The following CRB2 variants were observed in gnomAD, a reference collection of about 807,000 sequenced individuals.
CRB2 encodes crumbs cell polarity complex component 2.
In CRB2, 85 loss-of-function variants were observed where a neutral mutation model predicts 110.9. The ratio of observed to expected loss-of-function variants is 0.77; its 90% confidence interval spans 0.64 to 0.92. The LOEUF (loss-of-function observed/expected upper bound fraction) is 0.92, where lower values mean the gene tolerates loss of function less well. Among genes scored for constraint, CRB2 ranks in the 40% least tolerant of loss-of-function variants. The pLI is 0.00. For missense variants in CRB2, 1,843 were observed against 1,851.3 expected (o/e 1.00, Z 0.08); for synonymous variants, 907 against 831.0 (o/e 1.09, Z -1.57).
At chr9:123,374,732 A>G (rs749122876) in intron 11 of CRB2, 37 bp downstream of exon 11, 3 of 1,461,480 alleles carry the variant, frequency 2.1e-6, no homozygotes, top group African/African-American at 1.4e-5. Context: ...AGGAGGTCCA[A>G]TGAATGTGGA....
In CRB2 at chr9:123,373,785, G is replaced by A; in HGVS notation, c.3254G>A (p.Gly1085Glu). The change falls in exon 10 of 13, where the codon GGG becomes GAG. Residue 1085 changes from glycine (G) to glutamate (E), a missense_variant. Coordinates refer to ENST00000373631, the MANE Select transcript of CRB2 (RefSeq NM_173689.7). ...FDAFACACGP[G>E]WEGPRCEAHV... is the part of the protein sequence containing the mutation. ...GCCTTTGCCTGCGCCTGCGGCCCGG[G>A]GTGGGAAGGCCCGCGCTGCGAAGCC... 1 of 1,591,080 alleles carries A rather than the reference G, an allele frequency of 6.3e-7. No homozygotes were observed. The highest frequency in any genetic ancestry group is 1.7e-5 in the Admixed American group (1 of 59,482).
rs1248795183 is a variant in CRB2 at position 123,371,455 on chromosome 9, A to C, written c.2313A>C (p.Arg771=). ...TCCGAGGCTGCCTCCAGGACCTGCG[A>C]CTCGATGGCTGCCACCTCCCCTTCT... ...GPFRGCLQDL[R]LDGCHLPFFP... The change falls in exon 8 of 13, where the codon CGA becomes CGC. Residue 771 remains arginine (R), a synonymous_variant. Coordinates refer to ENST00000373631, the MANE Select transcript of CRB2 (RefSeq NM_173689.7). The C allele has an allele frequency of 6.2e-7, 1 of 1,612,846 alleles. No individual in the cohort carries two copies. Among genetic ancestry groups the C allele is most frequent in the South Asian group, 1.1e-5 (1 of 91,060 alleles).
Position 123,373,664 on chromosome 9 carries a change from C to T in CRB2, c.3133C>T (p.Pro1045Ser). The T allele has an allele frequency of 1.4e-6, 2 of 1,438,912 alleles. No individual in the cohort carries two copies. Among genetic ancestry groups the T allele is most frequent in the African/African-American group, 1.5e-5 (1 of 67,196 alleles). The allele number at this position is 1,438,912 out of a possible 1,614,324, so 89.1% of individuals were successfully genotyped here. ...PGAREHFASW[P>S]GTPAPILGCR... ...CGCCCGAGAGCACTTCGCGTCTTGG[C>T]CTGGGACGCCGGCCCCGATCCTCGG... The change falls in exon 10 of 13, where the codon CCT (proline) becomes TCT (serine). Residue 1045 changes from proline to serine, a missense_variant. By Grantham distance (74) the Pro-to-Ser change is moderately conservative (BLOSUM62 -1). Transcript: ENST00000373631.
intron 9 of CRB2, among the ~76,000 whole-genome samples, chr9:123,372,575 T>C (rs747796444): frequency 6.6e-6 from 1 of 151,884 alleles, no homozygotes; most frequent in Non-Finnish European, 1.5e-5. Flanking sequence ...TTTTATGGAG[T>C]GGCATAGCAT....
chr9:123,373,087 T>C, intron 9 of CRB2, 47 bp from the exon 10 acceptor site: 1 of 1,413,762 alleles, frequency 7.1e-7, no homozygotes, highest in Non-Finnish European at 9.3e-7. Context: ...GTGGCATTTC[T>C]GGAGAAGGCT....
chr9:123,358,290 G>A (rs549278024), intron 1 of CRB2, among the ~76,000 whole-genome samples: 3 of 152,162 alleles, frequency 2.0e-5, no homozygotes, highest in Admixed American at 2.0e-4. Flanking sequence ...ACAAAGGCCC[G>A]GCTGGTTGCC....
chr9:123,369,580 A>G (rs570230204), intron 6 of CRB2, among the ~76,000 whole-genome samples: 3 of 152,104 alleles, frequency 2.0e-5, no homozygotes, highest in Admixed American at 6.5e-5. Flanking sequence ...CAGAGTCACG[A>G]CTTTCCAGGA....
rs747093660 is a variant in CRB2 at position 123,367,214 on chromosome 9, C to T, written c.797C>T (p.Ala266Val). The T allele has an allele frequency of 2.3e-5, 37 of 1,601,106 alleles. No individual in the cohort carries two copies. The South Asian group carries it at 4.1e-4, about 18-fold the overall frequency. ...TGCGAGGTGGACGAGGACGAGTGTG[C>T]ATCGAGCCCCTGCCAGCATGGGGGC... is the stretch of plus-strand genomic sequence containing the variant. ...ELCEVDEDEC[A>V]SSPCQHGGRC... Residue 266 changes from alanine to valine, a missense_variant, in exon 5 of 13, where the codon GCA (alanine) becomes GTA (valine). By Grantham distance (64) the Ala-to-Val change is moderately conservative. Coordinates refer to ENST00000373631, the MANE Select transcript of CRB2 (RefSeq NM_173689.7).
intron 11 of CRB2, among the ~76,000 whole-genome samples, 193 bp from the exon 12 acceptor site, chr9:123,375,024 G>T (rs1564379260): frequency 6.6e-6 from 1 of 152,154 alleles, no homozygotes; most frequent in Non-Finnish European, 1.5e-5. Context: ...CACCCTAATG[G>T]GATGAGAGTC....
chr9:123,376,761 G>A (rs1267454250), intron 12 of CRB2, 77 bp from the exon 13 acceptor site: 1 of 1,339,208 alleles, frequency 7.5e-7, no homozygotes, highest in Non-Finnish European at 1.0e-6. Flanking sequence ...TCCTTGTGCT[G>A]CGCTCTCTGC....
Position 123,371,586 on chromosome 9 carries a change from T to A in CRB2, c.2436+8T>A, listed in dbSNP as rs2132781832. The A allele has an allele frequency of 6.2e-7, 1 of 1,612,036 alleles. No homozygotes were observed. The highest frequency in any genetic ancestry group is 1.1e-5 in the South Asian group (1 of 91,070). ...TCCGAGGACATGTGCAGTGTAAGTG[T>A]CTGGTGGCGGTGGTGGTGGTGGGGT... On this transcript the variant is annotated splice_region_variant and intron_variant, in intron 8 of 12. Coordinates refer to ENST00000373631, the MANE Select transcript of CRB2 (RefSeq NM_173689.7).
intron 8 of CRB2, 68 bp from the exon 9 acceptor site, chr9:123,372,109 C>T: frequency 2.0e-6 from 3 of 1,509,634 alleles, no homozygotes; most frequent in Admixed American, 1.7e-5. Flanking sequence ...AGAAGCACTG[C>T]AATGCCAGTT....
intron 1 of CRB2, among the ~76,000 whole-genome samples, chr9:123,356,586 C>T (rs1281520655): frequency 3.4e-4 from 4 of 11,674 alleles, no homozygotes; most frequent in South Asian, 2.9e-3. Flanking sequence ...TTGTAAGTTT[C>T]GGGGTTGGGG....
downstream of CRB2, chr9:123,380,136 G>A (rs1445869062): frequency 1.3e-5 from 2 of 152,204 alleles, no homozygotes; most frequent in South Asian, 2.1e-4. Context: ...GGTAGACTGT[G>A]TCTGACCCTT....
chr9:123,356,129 C>T (rs1434186555), upstream of CRB2: 32 of 375,590 alleles, frequency 8.5e-5, no homozygotes, highest in Admixed American at 1.0e-3. Flanking sequence ...GAGGCGGTGG[C>T]GGGGAGGGGA....
At position 123,371,096 on chromosome 9, in the gene CRB2, G is replaced by A; in HGVS notation, c.1954G>A (p.Gly652Arg). ...DEIPAATFGL[G>R]GAPSSASFLL... ...GATTCCTGCTGCCACCTTTGGCTTGGGAGGCGCCCCAAGCTCTGCCTCCTT... is the reference window on the plus strand; with the variant it reads ...GATTCCTGCTGCCACCTTTGGCTTGAGAGGCGCCCCAAGCTCTGCCTCCTT... The change falls in exon 8 of 13, where the codon GGA becomes AGA. Residue 652 changes from glycine to arginine, a missense_variant. Transcript: ENST00000373631. 1 of 1,613,096 alleles carries A rather than the reference G, an allele frequency of 6.2e-7. No homozygotes were observed. The highest frequency in any genetic ancestry group is 8.5e-7 in the Non-Finnish European group (1 of 1,179,890).
intron 10 of CRB2, chr9:123,374,162 G>A (rs183887243): frequency 1.8e-5 from 12 of 666,496 alleles, no homozygotes; most frequent in Admixed American, 4.6e-5. Context: ...GCCGCCTGCC[G>A]CTTACACGGA....
chr9:123,368,436 C>T (rs767005111), intron 6 of CRB2, among the ~76,000 whole-genome samples: 1 of 152,256 alleles, frequency 6.6e-6, no homozygotes, highest in Non-Finnish European at 1.5e-5. Context: ...GCTCCAAGAG[C>T]CATGGCCTCC....
chr9:123,377,082 C>G lies in CRB2; in HGVS notation c.*20C>G, dbSNP rs993812449. On this transcript the variant is annotated 3_prime_UTR_variant, in exon 13 of 13. Transcript: ENST00000373631. ...ATCTAGGCCAGCCTGGCTGCTGGCA[C>G]CAGCACCTGGAGGTCCTGAATGGTT... 4 of 1,517,072 alleles carry G rather than the reference C, an allele frequency of 2.6e-6. No individual in the cohort carries two copies. The highest frequency in any genetic ancestry group is 1.8e-4 in the Middle Eastern group (1 of 5,672). 94.0% of individuals were successfully genotyped at this position (1,517,072 alleles called of 1,614,324 possible).
Sources: gnomAD v4.1 joint callset for allele counts (sites outside exome capture counted in the v4.1 genomes callset) on GRCh38, gnomAD v4.1.1 for gene constraint, MANE v1.5 for transcripts, NCBI Gene and HGNC (gene_info 2026-07-23, HGNC 2026-07-21) for gene names.